Variants in ATXN10 observed in about 807,000 individuals in gnomAD.
ATXN10 encodes ataxin 10.
In ATXN10, 28 loss-of-function variants were observed where a neutral mutation model predicts 52.9. The observed-to-expected ratio is 0.53, with a 90% CI of 0.39 to 0.73. The LOEUF (loss-of-function observed/expected upper bound fraction) is 0.73. Ranked by LOEUF, ATXN10 falls within the 30% of genes least tolerant of loss-of-function variation. The pLI is 0.00. For synonymous variants in ATXN10, 226 were observed against 221.5 expected, an observed-to-expected ratio of 1.02 and a Z score of -0.18; for missense variants, 565 against 577.0, an observed-to-expected ratio of 0.98 and a Z score of 0.21.
intron 1 of ATXN10, chr22:45,673,477 TG>T (rs1425993865): frequency 1.3e-5 from 2 of 152,308 alleles, no homozygotes; most frequent in African/African-American, 2.4e-5. Context: ...TATGGGCCTT[TG>T]GGGGAGATGT....
At chr22:45,691,195 C>G (rs765117728) in intron 2 of ATXN10, among the ~76,000 whole-genome samples, 1 of 152,184 alleles carries the variant, frequency 6.6e-6, no homozygotes, top group South Asian at 2.1e-4. Context: ...AAGCATCTGG[C>G]CAGAAGGCTA....
intron 3 of ATXN10, among the ~76,000 whole-genome samples, chr22:45,694,866 G>T (rs1923529673): frequency 6.7e-6 from 1 of 148,346 alleles, no homozygotes; most frequent in African/African-American, 2.5e-5. Context: ...GCTTGAGCCT[G>T]GGAGGTGGAA....
chr22:45,734,808 G>T (rs1925226512), intron 7 of ATXN10, among the ~76,000 whole-genome samples: 1 of 150,984 alleles, frequency 6.6e-6, no homozygotes, highest in African/African-American at 2.4e-5. Context: ...TCTGTTACAG[G>T]CATATGATCT....
In ATXN10 at chr22:45,826,944, G is replaced by A. The variant is rs117656643; in HGVS notation, c.1238-16047G>A. On this transcript the variant is annotated intron_variant, in intron 10 of 11. Transcript: ENST00000252934. This position sits in a 1 kb window ranked among gnomAD's most constrained non-coding sequence, Gnocchi z 5.0. ...CATATTTTAAGAGACTAATGTGTCTGAAAGGATTACTAGTTTATTTTTGGG... is the reference window on the plus strand; with the variant it reads ...CATATTTTAAGAGACTAATGTGTCTAAAAGGATTACTAGTTTATTTTTGGG... Among the ~76,000 whole-genome samples, 994 of 152,302 alleles carry A rather than the reference G, an allele frequency of 6.5e-3. 7 individuals are homozygous for A. The highest frequency in any genetic ancestry group is 0.017 in the South Asian group (82 of 4,830).
chr22:45,705,579 C>T lies in ATXN10; in HGVS notation c.647+2732C>T, dbSNP rs1924007145. Among the ~76,000 whole-genome samples, 1 of 152,018 alleles carries T rather than the reference C, an allele frequency of 6.6e-6. No homozygotes were observed. Among genetic ancestry groups the T allele is most frequent in the South Asian group, 2.1e-4 (1 of 4,810 alleles). ...TCCTGAATAGCTGGGATTGCAGGTG[C>T]CCGCCACCACACCCGGCTAATTTTT... is the stretch of plus-strand genomic sequence containing the variant. On this transcript the variant is annotated intron_variant, in intron 5 of 11. Coordinates refer to ENST00000252934, the MANE Select transcript of ATXN10 (RefSeq NM_013236.4). The surrounding 1 kb of genome is among the most constrained non-coding windows in gnomAD (Gnocchi z 5.2).
rs1227931627 is a variant in ATXN10 at position 45,690,299 on chromosome 22, T to A, written c.308+396T>A. Among the ~76,000 whole-genome samples, 1 of 151,126 alleles carries A rather than the reference T, an allele frequency of 6.6e-6. No homozygotes were observed. Among genetic ancestry groups the A allele is most frequent in the African/African-American group, 2.4e-5 (1 of 41,134 alleles). ...TCAGGGAAAAAAAAAAAAAAAAAGT[T>A]GTTCTGGCATGATAGTATCACCCAC... On this transcript the variant is annotated intron_variant, in intron 2 of 11. Coordinates refer to ENST00000252934, the MANE Select transcript of ATXN10 (RefSeq NM_013236.4). This position sits in a 1 kb window ranked among gnomAD's most constrained non-coding sequence, Gnocchi z 4.5.
At position 45,763,376 on chromosome 22, in the gene ATXN10, G is replaced by A. The variant is rs2146832134; in HGVS notation, c.1173+22838G>A. ...TGAAGGTTTCGTCAAGGTTACGAAA[G>A]GCCTTTGAGTTCAAGCTGAGGCCTT... On this transcript the variant is annotated intron_variant, in intron 9 of 11. Transcript: ENST00000252934. This position sits in a 1 kb window ranked among gnomAD's most constrained non-coding sequence, Gnocchi z 6.9. Among the ~76,000 whole-genome samples the A allele has an allele frequency of 6.6e-6, 1 of 152,326 alleles. No individual in the cohort carries two copies. Among genetic ancestry groups the A allele is most frequent in the African/African-American group, 2.4e-5 (1 of 41,574 alleles).
At chr22:45,792,443 CCCCT>C (rs1432735433) in intron 9 of ATXN10, 2 of 152,886 alleles carry the variant, frequency 1.3e-5, no homozygotes, top group Non-Finnish European at 2.9e-5. Context: ...TTATCTTTTC[CCCCT>C]TGGTAACCAC....
At chr22:45,778,484 G>A (rs1449639947) in intron 9 of ATXN10, among the ~76,000 whole-genome samples, 2 of 152,202 alleles carry the variant, frequency 1.3e-5, no homozygotes, top group Non-Finnish European at 2.9e-5. Context: ...CAGTGTGTTC[G>A]TTATTATGCT....
intron 9 of ATXN10, among the ~76,000 whole-genome samples, chr22:45,785,371 C>T (rs920108853): frequency 6.6e-6 from 1 of 152,158 alleles, no homozygotes; most frequent in African/African-American, 2.4e-5. Context: ...ATTAAACTGT[C>T]TTAAAGAAAT....
chr22:45,695,316 C>T (rs1232060923), intron 3 of ATXN10, among the ~76,000 whole-genome samples: 5 of 146,308 alleles, frequency 3.4e-5, no homozygotes, highest in Admixed American at 6.8e-5. Context: ...CAGAGCGAGA[C>T]TCCACCTCAA....
At chr22:45,675,286 G>T (rs1450124898) in intron 1 of ATXN10, 1 of 152,168 alleles carries the variant, frequency 6.6e-6, no homozygotes, top group Non-Finnish European at 1.5e-5. Flanking sequence ...CAAGTGAAAA[G>T]AAATTCTTAC....
In ATXN10 at chr22:45,833,871, G is replaced by A. The variant is rs151208215; in HGVS notation, c.1238-9120G>A. Among the ~76,000 whole-genome samples the A allele has an allele frequency of 3.7e-4, 57 of 152,286 alleles. No homozygotes were observed. The highest frequency in any genetic ancestry group is 1.1e-3 in the African/African-American group (45 of 41,552). On this transcript the variant is annotated intron_variant, in intron 10 of 11. Coordinates refer to ENST00000252934, the MANE Select transcript of ATXN10 (RefSeq NM_013236.4). This position sits in a 1 kb window ranked among gnomAD's most constrained non-coding sequence, Gnocchi z 4.3. ...ACACTTAGCAGCGATACGGCATCGC[G>A]ATCAGGGGAGCGGATGCCAGAGCCT...
At chr22:45,756,474 T>C (rs1360429078) in intron 9 of ATXN10, among the ~76,000 whole-genome samples, 2 of 152,232 alleles carry the variant, frequency 1.3e-5, no homozygotes, top group Non-Finnish European at 2.9e-5. Context: ...CAATATTCTG[T>C]GTACAGGCTT....
intron 10 of ATXN10, among the ~76,000 whole-genome samples, chr22:45,839,880 AAC>A (rs1929288975): frequency 6.6e-6 from 1 of 152,200 alleles, no homozygotes; most frequent in African/African-American, 2.4e-5. Flanking sequence ...AGGAGGCAAA[AAC>A]ACAGCCTGTG....
At position 45,823,595 on chromosome 22, in the gene ATXN10, C is replaced by T. The variant is rs145485299; in HGVS notation, c.1237+16573C>T. ...TCTGTCCCTGGCCTGATACTATACT[C>T]TTGTAATCATCGTGACTTTATGATC... On this transcript the variant is annotated intron_variant, in intron 10 of 11. Coordinates refer to ENST00000252934, the MANE Select transcript of ATXN10 (RefSeq NM_013236.4). This position sits in a 1 kb window ranked among gnomAD's most constrained non-coding sequence, Gnocchi z 4.9. Among the ~76,000 whole-genome samples, 51 of 152,286 alleles carry T rather than the reference C, an allele frequency of 3.3e-4. No homozygotes were observed. Among genetic ancestry groups the T allele is most frequent in the Admixed American group, 7.8e-4 (12 of 15,300 alleles).
rs1026819135 is a variant in ATXN10, at chr22:45,819,654, G to C, written c.1237+12632G>C. Among the ~76,000 whole-genome samples the C allele has an allele frequency of 6.6e-6, 1 of 152,164 alleles. No individual in the cohort carries two copies. Among genetic ancestry groups the C allele is most frequent in the Non-Finnish European group, 1.5e-5 (1 of 68,024 alleles). On this transcript the variant is annotated intron_variant, in intron 10 of 11. Coordinates refer to ENST00000252934, the MANE Select transcript of ATXN10 (RefSeq NM_013236.4). The surrounding 1 kb of genome is among the most constrained non-coding windows in gnomAD (Gnocchi z 4.5). ...ACTGGAGGGAAGTGTGACTGCCTGT[G>C]CATGAAGTGCTGAGATGAGTTCTTG... is the stretch of plus-strand genomic sequence containing the variant.
intron 5 of ATXN10, among the ~76,000 whole-genome samples, chr22:45,707,690 G>A (rs1924095331): frequency 6.6e-6 from 1 of 150,834 alleles, no homozygotes; most frequent in Non-Finnish European, 1.5e-5. Context: ...CAAGTTAAAG[G>A]TATTAGAGAC....
chr22:45,698,728 A>T (rs1923717626), intron 3 of ATXN10, among the ~76,000 whole-genome samples: 1 of 152,230 alleles, frequency 6.6e-6, no homozygotes, highest in African/African-American at 2.4e-5. Context: ...AGGAAGTAAT[A>T]TTTCTCATCA....
Sources: allele counts gnomAD v4.1 joint callset (sites outside exome capture counted in the v4.1 genomes callset), GRCh38; gene constraint gnomAD v4.1.1; non-coding constraint Gnocchi (gnomAD v3.1); transcripts MANE v1.5; gene names NCBI Gene and HGNC (gene_info 2026-07-23, HGNC 2026-07-21).